WWOX: variants seen among roughly 807,000 people sequenced by gnomAD.
The protein encoded by WWOX is WW domain containing oxidoreductase.
Under a neutral mutation model 46.2 loss-of-function variants are expected in WWOX, and 69 were observed. The ratio of observed to expected loss-of-function variants is 1.49; its 90% CI spans 1.23 to 1.82. The LOEUF is 1.82. Among genes scored for constraint, WWOX ranks in the 40% most tolerant of loss-of-function variants. WWOX has a pLI of 0.00. For missense variants in WWOX, 919 were observed against 542.6 expected, an observed-to-expected ratio of 1.69 and a Z score of -6.89; for synonymous variants, 359 against 202.6, an observed-to-expected ratio of 1.77 and a Z score of -6.56.
At chr16:79,076,579 G>A (rs1277395605) in intron 8 of WWOX, among the ~76,000 whole-genome samples, 2 of 152,170 alleles carry the variant, frequency 1.3e-5, no homozygotes, top group Admixed American at 6.6e-5. Flanking sequence ...CTGGACCTCA[G>A]CCTATCCAGG....
chr16:78,191,436 ATTTG>A (rs2035880630), intron 5 of WWOX, among the ~76,000 whole-genome samples: 1 of 152,230 alleles, frequency 6.6e-6, no homozygotes, highest in Non-Finnish European at 1.5e-5. Context: ...TTTCTACTAT[ATTTG>A]TTTGGGCTTT....
intron 8 of WWOX, among the ~76,000 whole-genome samples, chr16:78,805,126 A>C (rs1389136460): frequency 2.0e-5 from 3 of 148,368 alleles, no homozygotes; most frequent in African/African-American, 7.5e-5. Flanking sequence ...AAAATATCAA[A>C]ATTTAAGGAC....
chr16:78,728,361 C>G (rs1597502846), intron 8 of WWOX, among the ~76,000 whole-genome samples: 1 of 152,096 alleles, frequency 6.6e-6, no homozygotes, highest in Non-Finnish European at 1.5e-5. Context: ...GCAGGAGCCA[C>G]CACACCTGGC....
At chr16:78,354,072 A>T (rs1160555900) in intron 5 of WWOX, among the ~76,000 whole-genome samples, 1 of 152,126 alleles carries the variant, frequency 6.6e-6, no homozygotes, top group East Asian at 1.9e-4. Flanking sequence ...TGCACCTTTT[A>T]ATTCCTGGAT....
chr16:78,773,405 C>T (rs1317816981), intron 8 of WWOX, among the ~76,000 whole-genome samples: 2 of 152,190 alleles, frequency 1.3e-5, no homozygotes, highest in African/African-American at 4.8e-5. Flanking sequence ...ATGGGTAAGT[C>T]ATTGGCTGCA....
At chr16:78,704,192 C>G (rs904631599) in intron 8 of WWOX, among the ~76,000 whole-genome samples, 2 of 151,720 alleles carry the variant, frequency 1.3e-5, no homozygotes, top group African/African-American at 2.4e-5. Context: ...TGTAACCTCT[C>G]TGAGCCTCAA....
chr16:78,970,192 C>G (rs150989705), intron 8 of WWOX, among the ~76,000 whole-genome samples: 3 of 152,140 alleles, frequency 2.0e-5, no homozygotes, highest in Non-Finnish European at 4.4e-5. Context: ...GCTGTTAATG[C>G]CCCCTTTGAA....
chr16:78,310,377 C>G (rs1253786620), intron 5 of WWOX, among the ~76,000 whole-genome samples: 2 of 152,206 alleles, frequency 1.3e-5, no homozygotes, highest in Non-Finnish European at 2.9e-5. Context: ...TGTTTGTTGA[C>G]TGAATGAATT....
chr16:78,588,648 C>T (rs529674434), intron 8 of WWOX, among the ~76,000 whole-genome samples: 1 of 152,156 alleles, frequency 6.6e-6, no homozygotes, highest in Admixed American at 6.5e-5. Flanking sequence ...CACTTGAGTT[C>T]TTGTTGAGTG....
At chr16:79,018,892 T>C (rs1160571250) in intron 8 of WWOX, among the ~76,000 whole-genome samples, 2 of 151,956 alleles carry the variant, frequency 1.3e-5, no homozygotes, top group Non-Finnish European at 2.9e-5. Flanking sequence ...GGCTCACCCA[T>C]GTAATCCCAA....
chr16:78,680,907 T>C (rs1423045210), intron 8 of WWOX, among the ~76,000 whole-genome samples: 1 of 151,988 alleles, frequency 6.6e-6, no homozygotes, highest in Non-Finnish European at 1.5e-5. Flanking sequence ...GCCTAGGAGT[T>C]TGAGACCAGC....
chr16:78,244,666 C>T (rs2037760889), intron 5 of WWOX, among the ~76,000 whole-genome samples: 1 of 152,196 alleles, frequency 6.6e-6, no homozygotes, highest in East Asian at 1.9e-4. Context: ...ATTTGTTAGT[C>T]TCTGGGCCTC....
chr16:78,615,202 C>G (rs760833679), intron 8 of WWOX, among the ~76,000 whole-genome samples: 2 of 152,056 alleles, frequency 1.3e-5, no homozygotes, highest in Non-Finnish European at 2.9e-5. Context: ...ATTCTAGAAA[C>G]TCTCTGTTTT....
At chr16:78,538,426 G>C (rs917795848) in intron 8 of WWOX, among the ~76,000 whole-genome samples, 3 of 152,082 alleles carry the variant, frequency 2.0e-5, no homozygotes, top group African/African-American at 7.2e-5. Flanking sequence ...GTTGAGGCCT[G>C]GTGTATGCAC....
chr16:78,141,340 A>G (rs981615343), intron 4 of WWOX, among the ~76,000 whole-genome samples: 3 of 151,954 alleles, frequency 2.0e-5, no homozygotes, highest in East Asian at 1.9e-4. Context: ...ACTTCTGTTT[A>G]TCTTTAAAGG....
intron 8 of WWOX, among the ~76,000 whole-genome samples, chr16:78,462,345 C>T (rs1235538107): frequency 6.6e-6 from 1 of 151,842 alleles, no homozygotes; most frequent in Non-Finnish European, 1.5e-5. Context: ...ATTCTATTAG[C>T]GCACTACAAG....
chr16:78,625,712 TATTAAA>T (rs2151650595), intron 8 of WWOX, among the ~76,000 whole-genome samples: 1 of 150,140 alleles, frequency 6.7e-6, no homozygotes, highest in Admixed American at 6.6e-5. Context: ...TGTTTTTTGC[TATTAAA>T]AGTAATGCGG....
At chr16:78,684,912 C>G (rs1567489353) in intron 8 of WWOX, among the ~76,000 whole-genome samples, 1 of 152,154 alleles carries the variant, frequency 6.6e-6, no homozygotes, top group Admixed American at 6.5e-5. Context: ...TAGTATGTAT[C>G]AGAAACTAGT....
At chr16:79,180,874 T>C (rs1343658687) in intron 8 of WWOX, among the ~76,000 whole-genome samples, 1 of 152,252 alleles carries the variant, frequency 6.6e-6, no homozygotes, top group African/African-American at 2.4e-5. Flanking sequence ...CTACTGTTTC[T>C]AATTCCAATA....
Sources: gnomAD v4.1 joint callset for allele counts (sites outside exome capture counted in the v4.1 genomes callset) on GRCh38, gnomAD v4.1.1 for gene constraint, MANE v1.5 for transcripts, NCBI Gene and HGNC (gene_info 2026-07-23, HGNC 2026-07-21) for gene names.